The following NCBP1 variants were observed in gnomAD, a reference collection of about 807,000 sequenced individuals.
NCBP1 encodes nuclear cap binding protein subunit 1.
NCBP1 carries 16 observed loss-of-function variants against 111.7 expected under a neutral mutation model. The observed-to-expected ratio is 0.14, with a 90% CI of 0.10 to 0.22. The LOEUF (loss-of-function observed/expected upper bound fraction) is 0.22, where lower values mean the gene tolerates loss of function less well. Among genes scored for constraint, NCBP1 ranks in the 10% least tolerant of loss-of-function variants. The pLI is 1.00. For missense variants in NCBP1, 607 were observed against 957.5 expected (o/e 0.63, Z 4.83); for synonymous variants, 304 against 314.3 (o/e 0.97, Z 0.35).
In NCBP1 at chr9:97,653,883, T is replaced by G; in HGVS notation, c.1145T>G (p.Leu382Arg). ...ACACTCCTCATTGAACTGTGCAAAC[T>G]TCAACCTGGCTCTCTACCCCAAGTT... ...YTTLLIELCK[L>R]QPGSLPQVLA... Residue 382 changes from leucine (L) to arginine (R), a missense_variant, in exon 11 of 23, where the codon CTT (leucine) becomes CGT (arginine). Leu to Arg is a moderately radical substitution (Grantham distance 102). Coordinates refer to ENST00000375147, the MANE Select transcript of NCBP1 (RefSeq NM_002486.5). 1 of 1,613,702 alleles carries G rather than the reference T, an allele frequency of 6.2e-7. No homozygotes were observed. Among genetic ancestry groups the G allele is most frequent in the Non-Finnish European group, 8.5e-7 (1 of 1,179,730 alleles).
chr9:97,670,071 C>A, intron 22 of NCBP1: 1 of 344,160 alleles, frequency 2.9e-6, no homozygotes, highest in Non-Finnish European at 5.7e-6. Context: ...TACAGGCACC[C>A]GTCACTACTC....
At chr9:97,656,117 C>A in intron 14 of NCBP1, 32 bp downstream of exon 14, 6 of 1,531,156 alleles carry the variant, frequency 3.9e-6, no homozygotes, top group Non-Finnish European at 5.4e-6. Flanking sequence ...CTTTTAACTT[C>A]TTTGGGAGGA....
rs576550307 is a variant in NCBP1, at chr9:97,652,651, A to G, written c.1060-1147A>G. Among the ~76,000 whole-genome samples the G allele has an allele frequency of 3.3e-5, 5 of 152,320 alleles. No individual in the cohort carries two copies. The East Asian group carries it at 9.7e-4, about 29-fold the overall frequency. ...AATAAATAGTGTTCATGAAAGAGACAGCATAGGATGTATTAAGAGTCGTAT... is the reference window on the plus strand; with the variant it reads ...AATAAATAGTGTTCATGAAAGAGACGGCATAGGATGTATTAAGAGTCGTAT... On this transcript the variant is annotated intron_variant, in intron 10 of 22. Transcript: ENST00000375147.
intron 8 of NCBP1, among the ~76,000 whole-genome samples, chr9:97,650,196 AT>A (rs1264219332): frequency 6.6e-6 from 1 of 152,204 alleles, no homozygotes; most frequent in Non-Finnish European, 1.5e-5. Context: ...GGTTTAAAAA[AT>A]AAACTCTGTA....
At chr9:97,641,381 A>G (rs1372994308) in intron 2 of NCBP1, among the ~76,000 whole-genome samples, 181 bp from the exon 3 acceptor site, 1 of 152,154 alleles carries the variant, frequency 6.6e-6, no homozygotes, top group Non-Finnish European at 1.5e-5. Context: ...GACTATTTTA[A>G]TGATCATGCA....
intron 11 of NCBP1, 41 bp from the exon 12 acceptor site, chr9:97,654,839 G>C: frequency 6.4e-7 from 1 of 1,556,054 alleles, no homozygotes; most frequent in Non-Finnish European, 8.9e-7. Flanking sequence ...ACTTATTTGG[G>C]ATAAAAGTGG....
At chr9:97,665,337 A>G (rs1312232926) in intron 19 of NCBP1, among the ~76,000 whole-genome samples, 3 of 152,230 alleles carry the variant, frequency 2.0e-5, no homozygotes, top group East Asian at 1.9e-4. Flanking sequence ...TACGTTTTCA[A>G]TTCATTTTAT....
intron 11 of NCBP1, among the ~76,000 whole-genome samples, chr9:97,654,370 T>C (rs1827583726): frequency 6.6e-6 from 1 of 152,210 alleles, no homozygotes; most frequent in Non-Finnish European, 1.5e-5. Context: ...AAAAACACTT[T>C]CTTTGCTCAT....
Position 97,648,238 on chromosome 9 carries a change from A to G in NCBP1, c.897+15A>G, listed in dbSNP as rs1827400129. Reference sequence around the variant, plus strand: ...ATGATCCCGAGGTAAGTGACCGACTAAAAGTCCTAGATATTGACCTGTGTT... The same window carrying G: ...ATGATCCCGAGGTAAGTGACCGACTGAAAGTCCTAGATATTGACCTGTGTT... On this transcript the variant is annotated intron_variant, in intron 8 of 22. Transcript: ENST00000375147. The G allele has an allele frequency of 1.9e-6, 3 of 1,610,804 alleles. No individual in the cohort carries two copies. Among genetic ancestry groups the G allele is most frequent in the East Asian group, 4.5e-5 (2 of 44,870 alleles).
In NCBP1 at chr9:97,644,494, C is replaced by T. The variant is rs149268986; in HGVS notation, c.382-623C>T. Among the ~76,000 whole-genome samples, 50 of 152,232 alleles carry T rather than the reference C, an allele frequency of 3.3e-4. 1 individual carries two copies. Among genetic ancestry groups the T allele is most frequent in the African/African-American group, 1.2e-3 (48 of 41,538 alleles). On this transcript the variant is annotated intron_variant, in intron 4 of 22. Coordinates refer to ENST00000375147, the MANE Select transcript of NCBP1 (RefSeq NM_002486.5). The stretch of plus-strand genomic sequence containing the variant: ...TTGTTCCTAAAAAATGCTTAATTTG[C>T]CTTTTAGTGTGGGAGTCATTCCTTT...
Position 97,669,932 on chromosome 9 carries a change from CT to C in NCBP1, c.2259+234del, listed in dbSNP as rs199830878. ...CCCCCCCAACAACCCCCCGCCCCACCTTTTTTTTGAGATGGCATCTCACTCT... is the reference window on the plus strand; with the variant it reads ...CCCCCCCAACAACCCCCCGCCCCACCTTTTTTTGAGATGGCATCTCACTCT... On this transcript the variant is annotated intron_variant, in intron 22 of 22. Transcript: ENST00000375147. The C allele has an allele frequency of 4.1e-3, 2,237 of 550,632 alleles. 45 individuals carry two copies. The highest frequency in any genetic ancestry group is 0.039 in the African/African-American group (1,939 of 50,060). The allele number at this position is 550,632 out of a possible 1,614,324, so 34.1% of individuals were successfully genotyped here. A position where few individuals can be genotyped will look rare whatever the true frequency, so the allele number is the denominator to read the frequency against.
rs774816282 is a variant in NCBP1, at chr9:97,666,916, A to G, written c.2016+39A>G. 2.6e-5 allele frequency: 36 copies of G among 1,377,628 alleles called. No homozygotes were observed. In the East Asian group the frequency reaches 6.4e-4, roughly 25 times the overall value. The allele number at this position is 1,377,628 out of a possible 1,614,324, so 85.3% of individuals were successfully genotyped here. A position where few individuals can be genotyped will look rare whatever the true frequency, so the allele number is the denominator to read the frequency against. Reference sequence around the variant, plus strand: ...AAACTTGTAAGTAGTTAAAGAAAATATACCAGAAACTCTGGAGAGGATTCA... The same window carrying G: ...AAACTTGTAAGTAGTTAAAGAAAATGTACCAGAAACTCTGGAGAGGATTCA... On this transcript the variant is annotated intron_variant, in intron 20 of 22. Transcript: ENST00000375147.
Position 97,661,009 on chromosome 9 carries a change from A to G in NCBP1, c.1541A>G (p.Asn514Ser), listed in dbSNP as rs1380325163. The change falls in exon 16 of 23, where the codon AAT (asparagine) becomes AGT (serine). Residue 514 changes from asparagine to serine, a missense_variant. Around this residue, in one of 9 missense-constraint regions of NCBP1, gnomAD observed 282 missense variants for 376.5 expected, o/e 0.75. Transcript: ENST00000375147. ...GTTGCCTTTAAAAGTAAGGCAACCA[A>G]TGATGAAATCTTCAGCATTCTGAAA... ...LAVAFKSKAT[N>S]DEIFSILKDV... The G allele has an allele frequency of 6.2e-7, 1 of 1,613,004 alleles. No individual in the cohort carries two copies. The highest frequency in any genetic ancestry group is 8.5e-7 in the Non-Finnish European group (1 of 1,179,764).
rs908458262 is a variant in NCBP1 at position 97,671,857 on chromosome 9, C to T, written c.*658C>T. On this transcript the variant is annotated 3_prime_UTR_variant, in exon 23 of 23. Coordinates refer to ENST00000375147, the MANE Select transcript of NCBP1 (RefSeq NM_002486.5). ...CAAGTTATTTTGAAATTTAAACCACCGTCTGGGGGTGGAACGCAGACATCC... is the reference window on the plus strand; with the variant it reads ...CAAGTTATTTTGAAATTTAAACCACTGTCTGGGGGTGGAACGCAGACATCC... 1 of 152,134 alleles carries T rather than the reference C, an allele frequency of 6.6e-6. No individual in the cohort carries two copies. The highest frequency in any genetic ancestry group is 2.4e-5 in the African/African-American group (1 of 41,436). 9.4% of individuals were successfully genotyped at this position (152,134 alleles called of 1,614,324 possible).
Position 97,650,541 on chromosome 9 carries a change from T to C in NCBP1, c.936T>C (p.Phe312=). 6.2e-7 allele frequency: 1 copy of C among 1,613,628 alleles called. No individual in the cohort carries two copies. Among genetic ancestry groups the C allele is most frequent in the African/African-American group, 1.3e-5 (1 of 75,026 alleles). ...VMPGSHSVER[F]VIEENLHCII... ...CAGGGAGTCATTCAGTGGAAAGATT[T>C]GTAATAGAAGAGAATCTTCACTGCA... Residue 312 remains phenylalanine (F), a synonymous_variant, in exon 9 of 23, where the codon TTT becomes TTC. Coordinates refer to ENST00000375147, the MANE Select transcript of NCBP1 (RefSeq NM_002486.5).
At chr9:97,635,334 A>G (rs967760850) in intron 1 of NCBP1, among the ~76,000 whole-genome samples, 1 of 152,070 alleles carries the variant, frequency 6.6e-6, no homozygotes, top group Non-Finnish European at 1.5e-5. Flanking sequence ...AAATTAAATA[A>G]CTATGCTGCG....
Position 97,653,884 on chromosome 9 carries a change from T to A in NCBP1, c.1146T>A (p.Leu382=). 1 of 1,613,324 alleles carries A rather than the reference T, an allele frequency of 6.2e-7. No homozygotes were observed. The highest frequency in any genetic ancestry group is 8.5e-7 in the Non-Finnish European group (1 of 1,179,478). The change falls in exon 11 of 23, where the codon CTT becomes CTA. Residue 382 remains leucine (L), a synonymous_variant. Coordinates refer to ENST00000375147, the MANE Select transcript of NCBP1 (RefSeq NM_002486.5). ...YTTLLIELCK[L]QPGSLPQVLA... ...CACTCCTCATTGAACTGTGCAAACT[T>A]CAACCTGGCTCTCTACCCCAAGTTG...
chr9:97,650,185 C>T (rs1413053204), intron 8 of NCBP1, among the ~76,000 whole-genome samples: 3 of 151,982 alleles, frequency 2.0e-5, no homozygotes, highest in Non-Finnish European at 4.4e-5. Flanking sequence ...AATTCACTCT[C>T]GGTTTAAAAA....
Position 97,633,870 on chromosome 9 carries a change from C to G in NCBP1, c.-12C>G. On this transcript the variant is annotated 5_prime_UTR_variant, in exon 1 of 23. Transcript: ENST00000375147. Reference sequence around the variant, plus strand: ...CCTGGCCTCTCGGTTCCGCGGCGCACCGGAGGGCAGCATGTCGCGGCGGCG... The same window carrying G: ...CCTGGCCTCTCGGTTCCGCGGCGCAGCGGAGGGCAGCATGTCGCGGCGGCG... 1.9e-6 allele frequency: 3 copies of G among 1,585,182 alleles called. No individual in the cohort carries two copies. Among genetic ancestry groups the G allele is most frequent in the Non-Finnish European group, 2.6e-6 (3 of 1,172,214 alleles).
Sources: gnomAD v4.1 joint callset for allele counts (sites outside exome capture counted in the v4.1 genomes callset) on GRCh38, gnomAD v4.1.1 for gene constraint, gnomAD v4.1.1 regional missense constraint, MANE v1.5 for transcripts, NCBI Gene and HGNC (gene_info 2026-07-23, HGNC 2026-07-21) for gene names.